Variants in JADE3 observed in about 807,000 individuals in gnomAD.
The protein encoded by JADE3 is protein Jade-3.
In JADE3, 2 loss-of-function variants were observed where a neutral mutation model predicts 50.1. The ratio of observed to expected loss-of-function variants is 0.04; its 90% CI spans 0.02 to 0.13. JADE3 has a LOEUF of 0.13. Among genes scored for constraint, JADE3 ranks in the 10% least tolerant of loss-of-function variants. JADE3 has a pLI of 1.00. For missense variants in JADE3, 475 were observed against 634.4 expected (o/e 0.75, Z 2.70); for synonymous variants, 218 against 232.9 (o/e 0.94, Z 0.58).
intron 6 of JADE3, 47 bp downstream of exon 6, chrX:47,028,150 A>G: frequency 1.1e-6 from 1 of 915,573 alleles, no homozygotes; most frequent in Non-Finnish European, 1.6e-6. Flanking sequence ...AGCCTTTCTG[A>G]AGCTCAGTGA....
At chrX:46,983,251 C>G (rs781848961) in intron 1 of JADE3, among the ~76,000 whole-genome samples, 1 of 111,702 alleles carries the variant, frequency 9.0e-6, no homozygotes, top group African/African-American at 3.3e-5. Flanking sequence ...TATGCCCTGC[C>G]TCTCTCCCTG....
intron 1 of JADE3, among the ~76,000 whole-genome samples, chrX:46,950,650 A>G (rs1556344718): frequency 8.9e-6 from 1 of 111,824 alleles, no homozygotes; most frequent in Non-Finnish European, 1.9e-5. Flanking sequence ...CTTGGGTAGA[A>G]TTTTAGGAGT....
At chrX:46,999,513 A>G (rs1178452025) in intron 4 of JADE3, among the ~76,000 whole-genome samples, 3 of 106,360 alleles carry the variant, frequency 2.8e-5, no homozygotes, top group Non-Finnish European at 5.8e-5. Context: ...AATGGTATCT[A>G]TAAATAGAGG....
At chrX:46,957,533 A>G (rs375860521) in intron 1 of JADE3, among the ~76,000 whole-genome samples, 82 of 112,166 alleles carry the variant, frequency 7.3e-4, no homozygotes, top group African/African-American at 2.6e-3. Flanking sequence ...AAAGTAATGA[A>G]TGCACTTCCA....
At chrX:46,979,508 T>C (rs1270800991) in intron 1 of JADE3, among the ~76,000 whole-genome samples, 3 of 111,978 alleles carry the variant, frequency 2.7e-5, no homozygotes, top group African/African-American at 6.5e-5. Context: ...GATCCCATCA[T>C]GAGTCATCCA....
At chrX:46,999,451 A>G (rs1928226727) in intron 4 of JADE3, among the ~76,000 whole-genome samples, 2 of 104,367 alleles carry the variant, frequency 1.9e-5, no homozygotes, top group South Asian at 4.0e-4. Flanking sequence ...ATATATATAT[A>G]ACATATATAT....
intron 1 of JADE3, among the ~76,000 whole-genome samples, chrX:46,955,883 T>G (rs1374659807): frequency 2.7e-5 from 3 of 111,261 alleles, no homozygotes; most frequent in African/African-American, 9.8e-5. Context: ...ACCAAAAACC[T>G]TAACAGATTG....
At chrX:46,925,560 G>C (rs887145148) in intron 1 of JADE3, among the ~76,000 whole-genome samples, 6 of 111,959 alleles carry the variant, frequency 5.4e-5, no homozygotes, top group Non-Finnish European at 1.1e-4. Context: ...AGTGGCTCAC[G>C]CCTGTCATCC....
chrX:47,037,006 G>A (rs1929147339), intron 7 of JADE3, among the ~76,000 whole-genome samples: 1 of 94,772 alleles, frequency 1.1e-5, no homozygotes, highest in Non-Finnish European at 2.1e-5. Flanking sequence ...TATACCTAAT[G>A]CTAGATGACG....
At chrX:47,034,020 G>A (rs1419791814) in intron 7 of JADE3, among the ~76,000 whole-genome samples, 1 of 111,010 alleles carries the variant, frequency 9.0e-6, no homozygotes, top group Admixed American at 9.6e-5. Flanking sequence ...GATAATACCC[G>A]AATATATACA....
intron 1 of JADE3, among the ~76,000 whole-genome samples, chrX:46,913,425 G>A (rs1556335604): frequency 9.0e-6 from 1 of 111,149 alleles, no homozygotes; most frequent in African/African-American, 3.3e-5. Flanking sequence ...GGGCGGTCCG[G>A]GGGTGGGAAA....
chrX:46,914,807 G>A (rs1403515204), intron 1 of JADE3, among the ~76,000 whole-genome samples: 1 of 111,732 alleles, frequency 8.9e-6, no homozygotes, highest in East Asian at 2.8e-4. Context: ...TGTGAATCTG[G>A]TCATAGGTAG....
intron 8 of JADE3, among the ~76,000 whole-genome samples, chrX:47,044,061 A>G (rs940495858): frequency 9.0e-6 from 1 of 111,351 alleles, no homozygotes; most frequent in Non-Finnish European, 1.9e-5. Context: ...TCTAAGAATG[A>G]CTGGCCTTAA....
At chrX:46,968,113 A>G (rs1602388320) in intron 1 of JADE3, among the ~76,000 whole-genome samples, 1 of 112,139 alleles carries the variant, frequency 8.9e-6, no homozygotes, top group Admixed American at 9.5e-5. Flanking sequence ...ACTCTGGAAG[A>G]GTACAGTAAG....
chrX:47,033,817 AT>A, intron 7 of JADE3, 29 bp downstream of exon 7: 1 of 1,119,874 alleles, frequency 8.9e-7, no homozygotes, highest in Non-Finnish European at 1.2e-6. Context: ...CCGTGAGACC[AT>A]TTGCTCCAGG....
At chrX:46,982,700 G>A (rs1424707966) in intron 1 of JADE3, among the ~76,000 whole-genome samples, 1 of 110,971 alleles carries the variant, frequency 9.0e-6, no homozygotes, top group South Asian at 3.9e-4. Context: ...CTCTTCGGGG[G>A]TACAAGCTTG....
At chrX:46,952,220 T>G (rs989978766) in intron 1 of JADE3, among the ~76,000 whole-genome samples, 6 of 112,295 alleles carry the variant, frequency 5.3e-5, no homozygotes, top group Admixed American at 3.8e-4. Context: ...TCCTGGATGT[T>G]TTGGATATTA....
chrX:47,041,595 C>T (rs1186851838), intron 8 of JADE3, among the ~76,000 whole-genome samples: 1 of 111,171 alleles, frequency 9.0e-6, no homozygotes, highest in South Asian at 3.8e-4. Flanking sequence ...GTTGTCCAGG[C>T]TGGTCTCGAA....
At chrX:46,950,973 C>T (rs1025344066) in intron 1 of JADE3, among the ~76,000 whole-genome samples, 25 of 111,031 alleles carry the variant, frequency 2.3e-4, no homozygotes, top group African/African-American at 8.2e-4. Context: ...CTTTAGTTTT[C>T]AGCAGTTTGA....
Sources: gnomAD v4.1 joint callset for allele counts (sites outside exome capture counted in the v4.1 genomes callset) on GRCh38, gnomAD v4.1.1 for gene constraint, MANE v1.5 for transcripts, NCBI Gene and HGNC (gene_info 2026-07-23, HGNC 2026-07-21) for gene names.